The following WWC1 variants were observed in gnomAD, a reference collection of about 807,000 sequenced individuals.
WWC1 encodes protein KIBRA.
In WWC1, 55 loss-of-function variants were observed where a neutral mutation model predicts 138.4. The observed-to-expected ratio is 0.40, with a 90% CI of 0.32 to 0.50. The LOEUF is 0.50. WWC1 is among the 20% of genes least tolerant of loss of function. WWC1 has a pLI of 0.72. For synonymous variants in WWC1, 524 were observed against 564.9 expected (o/e 0.93, Z 1.03); for missense variants, 1,226 against 1,420.4 (o/e 0.86, Z 2.20).
chr5:168,408,700 C>A (rs750870423), intron 7 of WWC1, 47 bp downstream of exon 7: 9 of 1,606,146 alleles, frequency 5.6e-6, no homozygotes, highest in Non-Finnish European at 7.7e-6. Flanking sequence ...AGGATGGCAG[C>A]TGGGAGGCTG....
In WWC1 at chr5:168,455,294, C is replaced by T. The variant is rs1756205341; in HGVS notation, c.2659-62C>T. On this transcript the variant is annotated intron_variant, in intron 18 of 22. Transcript: ENST00000265293. The stretch of plus-strand genomic sequence containing the variant: ...GAGGGAAGAGGAGCAGCTGAGTGGT[C>T]TCTGGTGGGTGGCTGAGACTCTGTG... The T allele has an allele frequency of 3.3e-6, 5 of 1,510,120 alleles. No homozygotes were observed. The East Asian group carries it at 1.2e-4, about 37-fold the overall frequency. 93.5% of individuals were successfully genotyped at this position (1,510,120 alleles called of 1,614,324 possible).
chr5:168,420,179 G>T (rs1006877040), intron 9 of WWC1, among the ~76,000 whole-genome samples: 1 of 152,112 alleles, frequency 6.6e-6, no homozygotes, highest in African/African-American at 2.4e-5. Context: ...CCATAACAAC[G>T]TACCACAGAC....
intron 19 of WWC1, among the ~76,000 whole-genome samples, chr5:168,456,260 C>T (rs1003051564): frequency 4.6e-5 from 7 of 151,924 alleles, no homozygotes; most frequent in East Asian, 3.9e-4. Context: ...GCCATGATTG[C>T]GCCACAGCAC....
chr5:168,334,246 C>T (rs945025588), intron 1 of WWC1, among the ~76,000 whole-genome samples: 1 of 147,838 alleles, frequency 6.8e-6, no homozygotes, highest in African/African-American at 2.4e-5. Flanking sequence ...ACAACAACAA[C>T]AAAAAACTCT....
At chr5:168,386,377 C>CTTTTTTTTTTT (rs59691686) in intron 3 of WWC1, among the ~76,000 whole-genome samples, 2 of 143,936 alleles carry the variant, frequency 1.4e-5, no homozygotes, top group Non-Finnish European at 1.5e-5. Flanking sequence ...TCCCCTTGTT[C>CTTTTTTTTTTT]TTTTTTTTTT....
intron 19 of WWC1, among the ~76,000 whole-genome samples, chr5:168,460,096 A>G (rs950824163): frequency 6.6e-6 from 1 of 152,264 alleles, no homozygotes; most frequent in African/African-American, 2.4e-5. Flanking sequence ...CTCTAAGGAT[A>G]TGGTCCCTGA....
At position 168,454,109 on chromosome 5, in the gene WWC1, G is replaced by A. The variant is rs942117140; in HGVS notation, c.2658+9G>A. 2 of 1,609,908 alleles carry A rather than the reference G, an allele frequency of 1.2e-6. No individual in the cohort carries two copies. The highest frequency in any genetic ancestry group is 2.7e-5 in the African/African-American group (2 of 74,428). On this transcript the variant is annotated intron_variant, in intron 18 of 22. Coordinates refer to ENST00000265293, the MANE Select transcript of WWC1 (RefSeq NM_015238.3). ...GGTACCCAGCATTAAAGGTAGGAAG[G>A]GCTGGGGGGATAGAAGGGCTGTCGT...
chr5:168,389,054 G>C (rs190114662), intron 3 of WWC1, among the ~76,000 whole-genome samples: 13 of 152,210 alleles, frequency 8.5e-5, no homozygotes, highest in Non-Finnish European at 1.9e-4. Flanking sequence ...GATATATTGA[G>C]ATTCATTACA....
At chr5:168,402,500 G>A (rs1779383523) in intron 5 of WWC1, among the ~76,000 whole-genome samples, 1 of 152,308 alleles carries the variant, frequency 6.6e-6, no homozygotes, top group Middle Eastern at 3.4e-3. Flanking sequence ...GGCTGGGGTG[G>A]TGACCTCTAG....
intron 1 of WWC1, among the ~76,000 whole-genome samples, chr5:168,333,232 A>T (rs1363525144): frequency 6.6e-6 from 1 of 151,950 alleles, no homozygotes; most frequent in African/African-American, 2.4e-5. Flanking sequence ...TAACCAATTG[A>T]CTATCTCCTT....
intron 21 of WWC1, among the ~76,000 whole-genome samples, chr5:168,466,458 G>T (rs759069806): frequency 2.6e-5 from 4 of 152,214 alleles, no homozygotes; most frequent in Non-Finnish European, 4.4e-5. Flanking sequence ...TACAGAGGGT[G>T]CCTACCTGAA....
chr5:168,441,624 T>G, intron 15 of WWC1, 58 bp from the exon 16 acceptor site: 1 of 1,576,840 alleles, frequency 6.3e-7, no homozygotes, highest in South Asian at 1.2e-5. Flanking sequence ...CCAAATTCCC[T>G]GACACCTGGT....
intron 1 of WWC1, among the ~76,000 whole-genome samples, chr5:168,300,545 G>A (rs1288601760): frequency 2.1e-4 from 32 of 149,584 alleles, no homozygotes; most frequent in African/African-American, 7.4e-4. Context: ...CAAAGAAAAG[G>A]GACGGAGGCT....
intron 8 of WWC1, chr5:168,410,265 C>A: frequency 2.5e-6 from 1 of 398,092 alleles, no homozygotes; most frequent in Non-Finnish European, 4.6e-6. Context: ...TCCCACTTGC[C>A]TGTCTTGATT....
chr5:168,409,811 A>G (rs910942314), intron 7 of WWC1, 111 bp from the exon 8 acceptor site: 30 of 1,111,080 alleles, frequency 2.7e-5, no homozygotes, highest in Non-Finnish European at 3.8e-5. Context: ...ACCGGGGGCT[A>G]TTCTTGGCTA....
intron 1 of WWC1, among the ~76,000 whole-genome samples, chr5:168,328,415 T>G (rs10065081): frequency 0.03 from 4,532 of 152,218 alleles, 238 homozygotes; most frequent in African/African-American, 0.1. Flanking sequence ...TAGGGGTATA[T>G]AGTGGTGGAG....
At chr5:168,335,548 A>G (rs1179610290) in intron 1 of WWC1, among the ~76,000 whole-genome samples, 2 of 152,220 alleles carry the variant, frequency 1.3e-5, no homozygotes, top group Admixed American at 1.3e-4. Context: ...GTACACCTGT[A>G]CTTGAAGAAT....
chr5:168,408,375 T>G, intron 6 of WWC1, 132 bp from the exon 7 acceptor site: 1 of 1,038,480 alleles, frequency 9.6e-7, no homozygotes. Flanking sequence ...TATCACAGGA[T>G]CAGTAGGATA....
intron 22 of WWC1, among the ~76,000 whole-genome samples, chr5:168,468,394 G>T (rs1317752460): frequency 6.6e-6 from 1 of 151,952 alleles, no homozygotes; most frequent in Non-Finnish European, 1.5e-5. Context: ...ATTCTCGGAG[G>T]GTCCCGAATG....
Sources: gnomAD v4.1 joint callset for allele counts (sites outside exome capture counted in the v4.1 genomes callset) on GRCh38, gnomAD v4.1.1 for gene constraint, MANE v1.5 for transcripts, NCBI Gene and HGNC (gene_info 2026-07-23, HGNC 2026-07-21) for gene names.